The following LRAT variants were observed in gnomAD, a reference collection of about 807,000 sequenced individuals.
The protein encoded by LRAT is lecithin retinol acyltransferase, also known as lecithin retinol acyltransferase (phosphatidylcholine--retinol O-acyltransferase).
In LRAT, 11 loss-of-function variants were observed where a neutral mutation model predicts 14.2. The observed-to-expected ratio is 0.78, with a 90% CI of 0.49 to 1.29. LRAT has a LOEUF of 1.29. Ranked by LOEUF, LRAT falls within the 50% of genes most tolerant of loss-of-function variation. The pLI is 0.00. For synonymous variants in LRAT, 144 were observed against 124.8 expected, an observed-to-expected ratio of 1.15 and a Z score of -1.03; for missense variants, 274 against 292.4, an observed-to-expected ratio of 0.94 and a Z score of 0.46.
upstream of LRAT, among the ~76,000 whole-genome samples, chr4:154,741,816 A>G (rs540221739): frequency 1.5e-4 from 23 of 152,352 alleles, no homozygotes; most frequent in South Asian, 4.8e-3. Context: ...AAAAGAATTC[A>G]TATATATGTA....
chr4:154,748,917 G>C, intron 2 of LRAT, 67 bp from the exon 3 acceptor site: 1 of 1,442,300 alleles, frequency 6.9e-7, no homozygotes, highest in Non-Finnish European at 9.7e-7. Context: ...CTGATTTACT[G>C]TTTGATATAT....
chr4:154,748,577 T>C (rs1302422576), intron 2 of LRAT, among the ~76,000 whole-genome samples: 2 of 152,108 alleles, frequency 1.3e-5, no homozygotes, highest in Non-Finnish European at 2.9e-5. Context: ...ATTGGAGGAA[T>C]TGAATCTACT....
At chr4:154,743,970 A>T (rs1210539641), upstream of LRAT, 1 of 224,370 alleles carries the variant, frequency 4.5e-6, no homozygotes, top group Non-Finnish European at 8.9e-6. Flanking sequence ...CTCGACGGCC[A>T]TAAAAAGTCG....
chr4:154,742,935 G>A (rs1213813883), upstream of LRAT, among the ~76,000 whole-genome samples: 3 of 151,586 alleles, frequency 2.0e-5, no homozygotes, highest in Admixed American at 2.0e-4. Flanking sequence ...GGGTCCATGT[G>A]ACCCTGAAGC....
In LRAT at chr4:154,744,223, G is replaced by A. The variant is rs2111031753; in HGVS notation, c.-2+1G>A. 1.6e-6 allele frequency: 2 copies of A among 1,232,554 alleles called. No homozygotes were observed. Among genetic ancestry groups the A allele is most frequent in the Admixed American group, 1.7e-5 (1 of 58,868 alleles). The allele number at this position is 1,232,554 out of a possible 1,614,324, so 76.4% of individuals were successfully genotyped here. A position where few individuals can be genotyped will look rare whatever the true frequency, so the allele number is the denominator to read the frequency against. ...GCGCCGTACCTCACCTGGCCTGCAGGTGAGCAGCAGCGCAGCACCCCTGCC... is the reference window on the plus strand; with the variant it reads ...GCGCCGTACCTCACCTGGCCTGCAGATGAGCAGCAGCGCAGCACCCCTGCC... On this transcript the variant is annotated splice_donor_variant, in intron 1 of 2. Transcript: ENST00000336356. LOFTEE classifies it low-confidence loss of function (5UTR_SPLICE).
intron 1 of LRAT, 23 bp downstream of exon 1, chr4:154,744,245 T>C: frequency 1.4e-6 from 2 of 1,450,218 alleles, no homozygotes; most frequent in Non-Finnish European, 1.9e-6. Flanking sequence ...GCAGCACCCC[T>C]GCCCGGCGAG....
chr4:154,745,079 C>T (rs1732859890), intron 2 of LRAT, among the ~76,000 whole-genome samples: 1 of 133,138 alleles, frequency 7.5e-6, no homozygotes, highest in Non-Finnish European at 1.5e-5. Flanking sequence ...AGTGCAGTGG[C>T]GCGATCTCCA....
rs773237349 is a variant in LRAT, at chr4:154,744,783, C to A, written c.457C>A (p.Pro153Thr). The change falls in exon 2 of 3, where the codon CCC (proline) becomes ACC (threonine). Residue 153 changes from proline (P) to threonine (T), a missense_variant. Transcript: ENST00000336356. ...GGCTGAAAAGCTGCTGGGCTTTACC[C>A]CCTACAGCCTGCTGTGGAACAACTG... The part of the protein sequence containing the change: ...RRAEKLLGFT[P>T]YSLLWNNCEH... 6.2e-7 allele frequency: 1 copy of A among 1,614,094 alleles called. No homozygotes were observed.
chr4:154,744,509 T>G lies in LRAT; in HGVS notation c.183T>G (p.Tyr61Ter). Reference sequence around the variant, plus strand: ...TGCCCCGGACCCACCTGACCCACTATGGCATCTACCTAGGAGACAACCGTG... The same window carrying G: ...TGCCCCGGACCCACCTGACCCACTAGGGCATCTACCTAGGAGACAACCGTG... The part of the protein sequence containing the change: ...LEVPRTHLTH[Y>*]GIYLGDNRVA... Residue 61 changes from tyrosine (Y) to a stop codon, truncating the protein, a stop_gained, in exon 2 of 3, where the codon TAT becomes TAG. Coordinates refer to ENST00000336356, the MANE Select transcript of LRAT (RefSeq NM_004744.5). LOFTEE classifies it high-confidence loss of function. 6.2e-7 allele frequency: 1 copy of G among 1,614,058 alleles called. No individual in the cohort carries two copies. Among genetic ancestry groups the G allele is most frequent in the Non-Finnish European group, 8.5e-7 (1 of 1,179,996 alleles).
At position 154,750,003 on chromosome 4, in the gene LRAT, C is replaced by G. The variant is rs949057922; in HGVS notation, c.*867C>G. ...TTGTTCTTGATTGCTTTATTATCAT[C>G]ATACTAGTGTGTTCATTATAGAGTA... On this transcript the variant is annotated 3_prime_UTR_variant, in exon 3 of 3. Transcript: ENST00000336356. The G allele has an allele frequency of 6.6e-6, 1 of 152,138 alleles. No homozygotes were observed. Among genetic ancestry groups the G allele is most frequent in the East Asian group, 1.9e-4 (1 of 5,204 alleles). The allele number at this position is 152,138 out of a possible 1,614,324, so 9.4% of individuals were successfully genotyped here. A position where few individuals can be genotyped will look rare whatever the true frequency, so the allele number is the denominator to read the frequency against.
upstream of LRAT, among the ~76,000 whole-genome samples, chr4:154,741,686 C>A (rs1321932135): frequency 1.3e-5 from 2 of 152,092 alleles, no homozygotes; most frequent in African/African-American, 4.8e-5. Flanking sequence ...AAAAATGAAA[C>A]GCAAATCAGC....
upstream of LRAT, among the ~76,000 whole-genome samples, chr4:154,742,766 G>A (rs1732791535): frequency 6.6e-6 from 1 of 152,174 alleles, no homozygotes; most frequent in Non-Finnish European, 1.5e-5. Flanking sequence ...GGAGGCATTG[G>A]AGTCGGGCTG....
rs181864003 is a variant in LRAT at position 154,750,149 on chromosome 4, T to G, written c.*1013T>G. On this transcript the variant is annotated 3_prime_UTR_variant, in exon 3 of 3. Transcript: ENST00000336356. The stretch of plus-strand genomic sequence containing the variant: ...TTTTAAAGCATTTACTAATGTACTC[T>G]GAAATTTTTAAAAGCCTTCAGATTT... 6.6e-6 allele frequency: 1 copy of G among 152,292 alleles called. No individual in the cohort carries two copies. The highest frequency in any genetic ancestry group is 6.5e-5 in the Admixed American group (1 of 15,298). The allele number at this position is 152,292 out of a possible 1,614,324, so 9.4% of individuals were successfully genotyped here.
At chr4:154,742,389 G>T (rs1328435685), upstream of LRAT, among the ~76,000 whole-genome samples, 1 of 152,168 alleles carries the variant, frequency 6.6e-6, no homozygotes, top group Non-Finnish European at 1.5e-5. Context: ...GGGACAGATC[G>T]CTGACGGCAG....
upstream of LRAT, among the ~76,000 whole-genome samples, chr4:154,742,601 G>A (rs1732788027): frequency 6.6e-6 from 1 of 152,192 alleles, no homozygotes; most frequent in Admixed American, 6.5e-5. Context: ...AGCCACCCGA[G>A]GCTCTCCATT....
Position 154,744,048 on chromosome 4 carries a change from T to C in LRAT, c.-176T>C. The C allele has an allele frequency of 2.0e-6, 1 of 497,776 alleles. No individual in the cohort carries two copies. Among genetic ancestry groups the C allele is most frequent in the Non-Finnish European group, 3.7e-6 (1 of 272,506 alleles). 30.8% of individuals were successfully genotyped at this position (497,776 alleles called of 1,614,324 possible). On this transcript the variant is annotated 5_prime_UTR_variant, in exon 1 of 3. Transcript: ENST00000336356. ...CCGGCACGGCCCCCAGGTGCGCTCC[T>C]TCTCCGGCTGCTTGTAGCACTGGTC...
rs1050187788 is a variant in LRAT, at chr4:154,751,449, C to A, written c.*2313C>A. On this transcript the variant is annotated 3_prime_UTR_variant, in exon 3 of 3. Transcript: ENST00000336356. ...TTCCTGATCACAGTTATAAAAGAAA[C>A]CCTGAGGCCGGGCGCGGTGGCTCAA... The A allele has an allele frequency of 3.9e-5, 6 of 152,030 alleles. No individual in the cohort carries two copies. Among genetic ancestry groups the A allele is most frequent in the Admixed American group, 1.3e-4 (2 of 15,248 alleles). The allele number at this position is 152,030 out of a possible 1,614,324, so 9.4% of individuals were successfully genotyped here.
chr4:154,745,005 CCTTTTTTTT>C (rs1732854827), intron 2 of LRAT, 139 bp downstream of exon 2: 5,991 of 434,304 alleles, frequency 0.014, 81 homozygotes, highest in Admixed American at 0.032. Flanking sequence ...TTTTCTTTTT[CCTTTTTTTT>C]TTTTTTTTTT....
intron 2 of LRAT, among the ~76,000 whole-genome samples, chr4:154,747,239 T>G (rs542788107): frequency 9.6e-4 from 146 of 152,312 alleles, no homozygotes; most frequent in African/African-American, 3.3e-3. Context: ...TACTCCTTTG[T>G]GGTAACACTC....
Sources: allele counts gnomAD v4.1 joint callset (sites outside exome capture counted in the v4.1 genomes callset), GRCh38; gene constraint gnomAD v4.1.1; transcripts MANE v1.5; gene names NCBI Gene and HGNC (gene_info 2026-07-23, HGNC 2026-07-21).